The following PTPRD variants were observed in gnomAD, a reference collection of about 807,000 sequenced individuals.
PTPRD encodes protein tyrosine phosphatase receptor type D, also known as receptor-type tyrosine-protein phosphatase delta.
A neutral mutation model predicts 214.5 loss-of-function variants in PTPRD; 34 were observed. The observed-to-expected ratio is 0.16, with a 90% confidence interval of 0.12 to 0.21. PTPRD has a LOEUF of 0.21. Among genes scored for constraint, PTPRD ranks in the 10% least tolerant of loss-of-function variants. The pLI, the probability that PTPRD is intolerant of heterozygous loss-of-function variation, is 1.00. For synonymous variants in PTPRD, 1,128 were observed against 845.7 expected (o/e 1.33, Z -5.79); for missense variants, 2,545 against 2,398.7 (o/e 1.06, Z -1.27).
chr9:9,514,008 T>C (rs2096775011), intron 8 of PTPRD, among the ~76,000 whole-genome samples: 1 of 152,004 alleles, frequency 6.6e-6, no homozygotes, highest in Admixed American at 6.6e-5. Context: ...CCTAAACAAA[T>C]TGCTTTCCTG....
chr9:10,470,993 T>C (rs2099027311), intron 2 of PTPRD, among the ~76,000 whole-genome samples: 1 of 152,182 alleles, frequency 6.6e-6, no homozygotes, highest in African/African-American at 2.4e-5. Flanking sequence ...TTCACGTCCT[T>C]TGCAGGACAT....
chr9:9,273,971 A>AT (rs977699325), intron 9 of PTPRD, among the ~76,000 whole-genome samples: 2 of 151,184 alleles, frequency 1.3e-5, no homozygotes, highest in Admixed American at 1.3e-4. Context: ...TAATCAACCT[A>AT]TTTTTTTCTA....
chr9:9,030,739 T>G (rs1253604872), intron 10 of PTPRD, among the ~76,000 whole-genome samples: 1 of 151,944 alleles, frequency 6.6e-6, no homozygotes, highest in Non-Finnish European at 1.5e-5. Flanking sequence ...GAGAGTGGAA[T>G]CCACCTTTAT....
chr9:9,166,437 TC>T (rs2099904164), intron 10 of PTPRD, among the ~76,000 whole-genome samples: 1 of 152,084 alleles, frequency 6.6e-6, no homozygotes, highest in Non-Finnish European at 1.5e-5. Flanking sequence ...TCTGTTAAGG[TC>T]ATCTCATTCC....
intron 10 of PTPRD, among the ~76,000 whole-genome samples, chr9:9,090,217 A>G (rs543455226): frequency 6.6e-6 from 1 of 152,098 alleles, no homozygotes; most frequent in South Asian, 2.1e-4. Context: ...CTGGCCCTCC[A>G]TACCCTTCTC....
At chr9:10,345,121 C>G (rs935442613) in intron 2 of PTPRD, among the ~76,000 whole-genome samples, 4 of 152,030 alleles carry the variant, frequency 2.6e-5, no homozygotes, top group Non-Finnish European at 4.4e-5. Context: ...ACCATTGCAT[C>G]TGATTCATTG....
At chr9:8,699,808 A>G (rs547636090) in intron 12 of PTPRD, among the ~76,000 whole-genome samples, 1 of 152,224 alleles carries the variant, frequency 6.6e-6, no homozygotes, top group African/African-American at 2.4e-5. Flanking sequence ...ACTCCATGGT[A>G]ATATTTTGCA....
intron 33 of PTPRD, among the ~76,000 whole-genome samples, chr9:8,457,878 C>G (rs549069550): frequency 1.3e-5 from 2 of 152,124 alleles, no homozygotes; most frequent in East Asian, 3.9e-4. Context: ...AGGGAATGGA[C>G]TATTTATTAT....
At chr9:10,235,343 G>A (rs1337441039) in intron 3 of PTPRD, among the ~76,000 whole-genome samples, 2 of 151,836 alleles carry the variant, frequency 1.3e-5, no homozygotes, top group Non-Finnish European at 2.9e-5. Context: ...AATGTACCAG[G>A]ACTTCTTAAA....
chr9:8,526,629 C>T lies in PTPRD; in HGVS notation c.566G>A (p.Arg189Lys), dbSNP rs2074234630. ...GAACGTTAGTTCAGCACTCTTACCTCTTATTGGTGTACCACCTGGGTGGAT... is the reference window on the plus strand; with the variant it reads ...GAACGTTAGTTCAGCACTCTTACCTTTTATTGGTGTACCACCTGGGTGGAT... ...RSESIGGTPI[R>K]GALQIEQSEE... The change falls in exon 17 of 46, where the codon AGA becomes AAA. Residue 189 changes from arginine (R) to lysine (K), a missense_variant and splice_region_variant. Coordinates refer to ENST00000381196, the MANE Select transcript of PTPRD (RefSeq NM_002839.4). 1 of 1,581,092 alleles carries T rather than the reference C, an allele frequency of 6.3e-7. No individual in the cohort carries two copies. The highest frequency in any genetic ancestry group is 2.3e-5 in the East Asian group (1 of 44,158).
intron 2 of PTPRD, among the ~76,000 whole-genome samples, chr9:10,373,090 C>T (rs1161090619): frequency 1.3e-5 from 2 of 150,814 alleles, no homozygotes; most frequent in East Asian, 3.9e-4. Flanking sequence ...GCCTTGGCCT[C>T]CCAAAGTGCT....
At chr9:9,576,580 T>G (rs2088895739) in intron 7 of PTPRD, among the ~76,000 whole-genome samples, 2 of 152,192 alleles carry the variant, frequency 1.3e-5, no homozygotes, top group Non-Finnish European at 2.9e-5. Context: ...AGAGTGACCT[T>G]CTTTCTTGCC....
At position 10,159,964 on chromosome 9, in the gene PTPRD, C is replaced by T. The variant is rs2099117602; in HGVS notation, c.-544-126174G>A. ...CCCTTCATTCACAAAAACAATAATA[C>T]AAAACATTCTAAAACTTGGCAAAAT... is the stretch of plus-strand genomic sequence containing the variant. On this transcript the variant is annotated intron_variant, in intron 3 of 45. Coordinates refer to ENST00000381196, the MANE Select transcript of PTPRD (RefSeq NM_002839.4). 1.3e-5 allele frequency among the ~76,000 whole-genome samples: 2 copies of T among 151,920 alleles called. 1 individual carries two copies. Among genetic ancestry groups the T allele is most frequent in the South Asian group, 4.2e-4 (2 of 4,816 alleles).
intron 2 of PTPRD, among the ~76,000 whole-genome samples, chr9:10,352,156 T>G (rs1002083158): frequency 5.3e-5 from 8 of 152,054 alleles, no homozygotes; most frequent in Non-Finnish European, 8.8e-5. Context: ...CATTTTCACC[T>G]CATTTTTGAA....
In PTPRD at chr9:8,826,259, G is replaced by C. The variant is rs374169759; in HGVS notation, c.-103-92313C>G. Reference sequence around the variant, plus strand: ...AAATGGCCTTCCTATTTCTACTCTTGTTACCTCCCAATCTATTCCTTACAA... The same window carrying C: ...AAATGGCCTTCCTATTTCTACTCTTCTTACCTCCCAATCTATTCCTTACAA... On this transcript the variant is annotated intron_variant, in intron 11 of 45. Transcript: ENST00000381196. 6.7e-4 allele frequency among the ~76,000 whole-genome samples: 102 copies of C among 151,954 alleles called. 1 individual carries two copies. Among genetic ancestry groups the C allele is most frequent in the African/African-American group, 2.3e-3 (95 of 41,420 alleles).
In PTPRD at chr9:8,525,241, G is replaced by A; in HGVS notation, c.569-206C>T. The stretch of plus-strand genomic sequence containing the variant: ...TATTTTTTTTTTTTACATCATCAAT[G>A]CTAGCATTAGAAATCAATATCTCTT... On this transcript the variant is annotated intron_variant, in intron 17 of 45. Coordinates refer to ENST00000381196, the MANE Select transcript of PTPRD (RefSeq NM_002839.4). 3 of 694,026 alleles carry A rather than the reference G, an allele frequency of 4.3e-6. No individual in the cohort carries two copies. In the South Asian group the frequency reaches 4.7e-5, roughly 11 times the overall value. The allele number at this position is 694,026 out of a possible 1,614,324, so 43.0% of individuals were successfully genotyped here. A position where few individuals can be genotyped will look rare whatever the true frequency, so the allele number is the denominator to read the frequency against.
chr9:9,574,060 C>T (rs1413303024), intron 8 of PTPRD, among the ~76,000 whole-genome samples: 1 of 151,714 alleles, frequency 6.6e-6, no homozygotes, highest in Non-Finnish European at 1.5e-5. Flanking sequence ...TAATAAGCAA[C>T]AGATAAACTC....
intron 11 of PTPRD, among the ~76,000 whole-genome samples, chr9:8,757,276 AG>A (rs1335203107): frequency 2.0e-5 from 3 of 152,200 alleles, no homozygotes; most frequent in African/African-American, 7.2e-5. Context: ...CTGAAAATAT[AG>A]GGAATGTGAA....
chr9:8,694,769 AT>A (rs200153595), intron 12 of PTPRD, among the ~76,000 whole-genome samples: 2 of 151,272 alleles, frequency 1.3e-5, no homozygotes, highest in African/African-American at 2.4e-5. Context: ...TATACTACCT[AT>A]TTTTTTTTCT....
Sources: gnomAD v4.1 joint callset for allele counts (sites outside exome capture counted in the v4.1 genomes callset) on GRCh38, gnomAD v4.1.1 for gene constraint, MANE v1.5 for transcripts, NCBI Gene and HGNC (gene_info 2026-07-23, HGNC 2026-07-21) for gene names.